GRM7: variants seen among roughly 807,000 people sequenced by gnomAD.
The protein encoded by GRM7 is metabotropic glutamate receptor 7.
GRM7 carries 35 observed loss-of-function variants against 84.5 expected under a neutral mutation model. The observed-to-expected ratio is 0.41, with a 90% CI of 0.32 to 0.55. The LOEUF (loss-of-function observed/expected upper bound fraction) is 0.55. Ranked by LOEUF, GRM7 falls within the 20% of genes least tolerant of loss-of-function variation. The pLI, the probability that GRM7 is intolerant of heterozygous loss-of-function variation, is 0.19. For synonymous variants in GRM7, 487 were observed against 455.1 expected, an observed-to-expected ratio of 1.07 and a Z score of -0.89; for missense variants, 1,003 against 1,194.6, an observed-to-expected ratio of 0.84 and a Z score of 2.36.
chr3:7,318,168 T>A (rs1700648539), intron 4 of GRM7, among the ~76,000 whole-genome samples: 1 of 152,116 alleles, frequency 6.6e-6, no homozygotes, highest in Non-Finnish European at 1.5e-5. Context: ...AAAATCTAAC[T>A]TTTTTCCTTT....
intron 1 of GRM7, among the ~76,000 whole-genome samples, chr3:6,959,017 A>G (rs1004431360): frequency 2.0e-5 from 3 of 152,222 alleles, no homozygotes; most frequent in Non-Finnish European, 4.4e-5. Context: ...ATGGCCCTGT[A>G]GGCGTCATTT....
chr3:7,437,685 T>C (rs963909286), intron 5 of GRM7, among the ~76,000 whole-genome samples: 5 of 152,142 alleles, frequency 3.3e-5, no homozygotes, highest in Admixed American at 1.3e-4. Flanking sequence ...TTTCCTTCTT[T>C]TGCTTCTTCT....
At chr3:7,057,653 A>G (rs1412993547) in intron 1 of GRM7, among the ~76,000 whole-genome samples, 1 of 151,960 alleles carries the variant, frequency 6.6e-6, no homozygotes, top group Non-Finnish European at 1.5e-5. Flanking sequence ...ACTTTAGAAT[A>G]TCTTAATGTT....
At chr3:7,055,205 T>C (rs1353190449) in intron 1 of GRM7, among the ~76,000 whole-genome samples, 1 of 151,162 alleles carries the variant, frequency 6.6e-6, no homozygotes, top group South Asian at 2.1e-4. Flanking sequence ...CATTTTCTTC[T>C]TCTTCTTCTC....
At chr3:7,452,502 C>G in intron 5 of GRM7, 105 bp from the exon 6 acceptor site, 2 of 801,822 alleles carry the variant, frequency 2.5e-6, no homozygotes, top group Admixed American at 2.0e-5. Flanking sequence ...GCAGTGTTTT[C>G]TTTAAGCATA....
chr3:7,302,796 A>T (rs895716334), intron 3 of GRM7, among the ~76,000 whole-genome samples: 2 of 151,664 alleles, frequency 1.3e-5, no homozygotes, highest in Non-Finnish European at 2.9e-5. Context: ...CTTTTTTTTT[A>T]AACCAGTTTC....
intron 8 of GRM7, among the ~76,000 whole-genome samples, chr3:7,621,431 C>T (rs190072889): frequency 2.6e-5 from 4 of 152,130 alleles, no homozygotes; most frequent in South Asian, 2.1e-4. Context: ...TAAACACAAA[C>T]GTGGACCCTG....
chr3:7,075,958 T>C (rs962305553), intron 1 of GRM7, among the ~76,000 whole-genome samples: 5 of 151,982 alleles, frequency 3.3e-5, no homozygotes, highest in Admixed American at 6.6e-5. Context: ...ACTATATCCC[T>C]CCATGCCAAA....
chr3:7,106,873 C>A lies in GRM7; in HGVS notation c.520-39579C>A, dbSNP rs756071645. Among the ~76,000 whole-genome samples the A allele has an allele frequency of 6.4e-4, 98 of 151,976 alleles. 1 individual carries two copies. The highest frequency in any genetic ancestry group is 1.1e-3 in the Non-Finnish European group (73 of 67,940). On this transcript the variant is annotated intron_variant, in intron 1 of 9. Coordinates refer to ENST00000357716, the MANE Select transcript of GRM7 (RefSeq NM_000844.4). ...AGGAAGCCCTGCCCAGTTTTGCCTG[C>A]CCAAGATAACATCTAGCAAATGAGA...
chr3:7,632,729 A>C (rs1697911638), intron 8 of GRM7, among the ~76,000 whole-genome samples: 1 of 152,236 alleles, frequency 6.6e-6, no homozygotes, highest in South Asian at 2.1e-4. Flanking sequence ...TAAACTTCTT[A>C]CATGTAAATA....
chr3:7,541,902 TATCAGAA>T (rs1692903454), intron 7 of GRM7, among the ~76,000 whole-genome samples: 1 of 152,190 alleles, frequency 6.6e-6, no homozygotes, highest in African/African-American at 2.4e-5. Flanking sequence ...TGCCATACTC[TATCAGAA>T]ACTCACGGTA....
At chr3:7,414,037 G>A (rs1217167497) in intron 4 of GRM7, among the ~76,000 whole-genome samples, 2 of 152,076 alleles carry the variant, frequency 1.3e-5, no homozygotes, top group Non-Finnish European at 2.9e-5. Context: ...TAACTTTAGA[G>A]TATGGATCTG....
intron 4 of GRM7, among the ~76,000 whole-genome samples, chr3:7,324,261 T>C (rs1053868419): frequency 6.6e-6 from 1 of 152,182 alleles, no homozygotes; most frequent in African/African-American, 2.4e-5. Flanking sequence ...AAAATCTAGT[T>C]ACTCTCCTTA....
intron 7 of GRM7, chr3:7,561,611 A>C (rs1331184234): frequency 2.2e-6 from 1 of 456,200 alleles, no homozygotes; most frequent in Non-Finnish European, 4.4e-6. Context: ...GCTACTTTTC[A>C]TATCCCTTTA....
At chr3:6,931,169 A>G (rs1333591299) in intron 1 of GRM7, among the ~76,000 whole-genome samples, 1 of 152,236 alleles carries the variant, frequency 6.6e-6, no homozygotes, top group Non-Finnish European at 1.5e-5. Context: ...TAAATCAGGA[A>G]GTGCAAGACA....
At chr3:7,500,568 A>G (rs1295642058) in intron 7 of GRM7, among the ~76,000 whole-genome samples, 1 of 152,228 alleles carries the variant, frequency 6.6e-6, no homozygotes, top group African/African-American at 2.4e-5. Context: ...AGGGAACTTC[A>G]TGTGATATTG....
At chr3:7,389,809 C>T (rs1335105941) in intron 4 of GRM7, among the ~76,000 whole-genome samples, 1 of 151,574 alleles carries the variant, frequency 6.6e-6, no homozygotes, top group Non-Finnish European at 1.5e-5. Flanking sequence ...CAATTTGCCA[C>T]TCTATTTTTA....
At chr3:7,171,427 A>G (rs1177512864) in intron 2 of GRM7, among the ~76,000 whole-genome samples, 1 of 152,134 alleles carries the variant, frequency 6.6e-6, no homozygotes, top group Non-Finnish European at 1.5e-5. Context: ...ATTCTGAGAT[A>G]TTGGGGGTTA....
At chr3:7,680,540 C>T (rs746527376) in intron 9 of GRM7, 2 of 499,030 alleles carry the variant, frequency 4.0e-6, no homozygotes, top group Non-Finnish European at 7.3e-6. Flanking sequence ...CTCCCCCTTC[C>T]CTTGCTTCTT....
Sources: gnomAD v4.1 joint callset for allele counts (sites outside exome capture counted in the v4.1 genomes callset) on GRCh38, gnomAD v4.1.1 for gene constraint, MANE v1.5 for transcripts, NCBI Gene and HGNC (gene_info 2026-07-23, HGNC 2026-07-21) for gene names.